Variants in PTPRT observed in about 807,000 individuals in gnomAD.
PTPRT encodes receptor-type tyrosine-protein phosphatase T.
A neutral mutation model predicts 176.8 loss-of-function variants in PTPRT; 56 were observed. The ratio of observed to expected loss-of-function variants is 0.32; its 90% CI spans 0.26 to 0.40. PTPRT has a LOEUF of 0.40. PTPRT is among the 10% of genes least tolerant of loss of function. The probability of loss-of-function intolerance (pLI) is 1.00; values close to 1 mark genes in which losing one functional copy is unlikely to be tolerated. For missense variants in PTPRT, 1,540 were observed against 1,908.2 expected, an observed-to-expected ratio of 0.81 and a Z score of 3.60; for synonymous variants, 783 against 739.0, an observed-to-expected ratio of 1.06 and a Z score of -0.96.
chr20:42,831,878 C>T (rs753517464), intron 2 of PTPRT, among the ~76,000 whole-genome samples: 15 of 152,170 alleles, frequency 9.9e-5, no homozygotes, highest in Non-Finnish European at 1.9e-4. Context: ...AAAAAAATAA[C>T]AGATGCTGGC....
chr20:42,427,508 GCGCC>G (rs1308638344), intron 9 of PTPRT, among the ~76,000 whole-genome samples: 12 of 140,478 alleles, frequency 8.5e-5, no homozygotes, highest in African/African-American at 3.1e-4. Context: ...TTCATCGATG[GCGCC>G]TTCTAGCTGT....
chr20:42,329,947 TA>T lies in PTPRT; in HGVS notation c.1866-13952del, dbSNP rs138370550. The stretch of plus-strand genomic sequence containing the variant: ...TTTTTTAATTTAATATGTTACAAAA[TA>T]GCTGTAGTATCATATTTTTAATTGA... On this transcript the variant is annotated intron_variant, in intron 11 of 30. Transcript: ENST00000373187. Among the ~76,000 whole-genome samples, 394 of 152,276 alleles carry T rather than the reference TA, an allele frequency of 2.6e-3. 1 individual carries two copies. Among genetic ancestry groups the T allele is most frequent in the African/African-American group, 9.0e-3 (373 of 41,564 alleles).
chr20:42,621,363 C>A (rs1432625614), intron 7 of PTPRT, among the ~76,000 whole-genome samples: 1 of 152,200 alleles, frequency 6.6e-6, no homozygotes, highest in Non-Finnish European at 1.5e-5. Flanking sequence ...GCTCTTATCT[C>A]CAGGTCTCTC....
intron 27 of PTPRT, among the ~76,000 whole-genome samples, chr20:42,092,621 T>G (rs1984742718): frequency 6.6e-6 from 1 of 152,180 alleles, no homozygotes; most frequent in Non-Finnish European, 1.5e-5. Context: ...CACAGCCCCT[T>G]GCAAAGTCAG....
chr20:43,024,210 C>T (rs1484797189), intron 1 of PTPRT, among the ~76,000 whole-genome samples: 1 of 152,152 alleles, frequency 6.6e-6, no homozygotes, highest in Non-Finnish European at 1.5e-5. Flanking sequence ...AATACTAGTG[C>T]CCACCTTATA....
intron 7 of PTPRT, among the ~76,000 whole-genome samples, chr20:42,606,236 TG>T (rs141901376): frequency 0.13 from 19,606 of 152,042 alleles, 1,325 homozygotes; most frequent in South Asian, 0.15. Flanking sequence ...ACTGACCTTC[TG>T]GGCCACACAC....
intron 7 of PTPRT, among the ~76,000 whole-genome samples, chr20:42,648,715 C>A (rs2074962230): frequency 6.6e-6 from 1 of 151,680 alleles, no homozygotes; most frequent in Non-Finnish European, 1.5e-5. Context: ...CACAGCCCTG[C>A]AGGTGGGCAC....
At chr20:43,139,621 G>A (rs1305751421) in intron 1 of PTPRT, among the ~76,000 whole-genome samples, 1 of 152,208 alleles carries the variant, frequency 6.6e-6, no homozygotes, top group Non-Finnish European at 1.5e-5. Context: ...AGGGTCCCCT[G>A]GAGCCAAGCC....
chr20:42,323,720 C>A (rs1177446831), intron 11 of PTPRT, among the ~76,000 whole-genome samples: 1 of 151,736 alleles, frequency 6.6e-6, no homozygotes, highest in Non-Finnish European at 1.5e-5. Flanking sequence ...ATGTAACTAA[C>A]CTGCACATTG....
At chr20:43,094,220 T>G (rs1189740324) in intron 1 of PTPRT, among the ~76,000 whole-genome samples, 1 of 151,030 alleles carries the variant, frequency 6.6e-6, no homozygotes, top group Admixed American at 6.6e-5. Flanking sequence ...CCCGAGTAGC[T>G]GGGGCTACAG....
At chr20:42,442,219 C>T (rs531210115) in intron 9 of PTPRT, among the ~76,000 whole-genome samples, 2 of 152,192 alleles carry the variant, frequency 1.3e-5, no homozygotes, top group Non-Finnish European at 2.9e-5. Context: ...TTCAGGCTTT[C>T]GTTCTGTTCA....
intron 6 of PTPRT, among the ~76,000 whole-genome samples, chr20:42,727,403 T>C (rs1010525169): frequency 2.6e-5 from 4 of 152,082 alleles, no homozygotes; most frequent in Non-Finnish European, 5.9e-5. Flanking sequence ...CTAGCAGAGA[T>C]TTCATTAACA....
intron 12 of PTPRT, 24 bp from the exon 13 acceptor site, chr20:42,282,549 C>A (rs1273867075): frequency 2.5e-6 from 4 of 1,588,820 alleles, no homozygotes; most frequent in South Asian, 2.3e-5. Flanking sequence ...AAATGAGATG[C>A]CAATTAATTA....
intron 11 of PTPRT, among the ~76,000 whole-genome samples, chr20:42,323,071 C>T (rs1319429169): frequency 6.6e-6 from 1 of 151,888 alleles, no homozygotes; most frequent in African/African-American, 2.4e-5. Flanking sequence ...TACCATCTCA[C>T]ACCAGTTAAA....
chr20:42,684,406 C>A (rs2075656917), intron 6 of PTPRT, among the ~76,000 whole-genome samples: 1 of 151,618 alleles, frequency 6.6e-6, no homozygotes, highest in Admixed American at 6.6e-5. Flanking sequence ...CAATAAATAT[C>A]TGATGTCTTA....
intron 1 of PTPRT, among the ~76,000 whole-genome samples, chr20:43,001,424 G>C (rs1156739380): frequency 6.6e-6 from 1 of 151,686 alleles, no homozygotes; most frequent in Non-Finnish European, 1.5e-5. Context: ...CCTACAGCTA[G>C]AAATAAAAGT....
At chr20:42,594,243 C>G (rs1222214805) in intron 7 of PTPRT, among the ~76,000 whole-genome samples, 1 of 152,136 alleles carries the variant, frequency 6.6e-6, no homozygotes, top group Non-Finnish European at 1.5e-5. Flanking sequence ...GACGCTGCCT[C>G]CATGCAAATC....
chr20:42,369,755 G>C (rs6072703), intron 9 of PTPRT, among the ~76,000 whole-genome samples: 66,041 of 152,024 alleles, frequency 0.43, 15,112 homozygotes, highest in Non-Finnish European at 0.5. Context: ...CAATGGGGAA[G>C]AGAAAAGGAA....
chr20:43,171,131 G>A (rs1445671879), intron 1 of PTPRT, among the ~76,000 whole-genome samples: 2 of 152,142 alleles, frequency 1.3e-5, no homozygotes, highest in Non-Finnish European at 2.9e-5. Context: ...GGCACACAGA[G>A]GGTACTTTAA....
Sources: gnomAD v4.1 joint callset for allele counts (sites outside exome capture counted in the v4.1 genomes callset) on GRCh38, gnomAD v4.1.1 for gene constraint, MANE v1.5 for transcripts, NCBI Gene and HGNC (gene_info 2026-07-23, HGNC 2026-07-21) for gene names.